AFG2A: variants seen among roughly 807,000 people sequenced by gnomAD.
AFG2A encodes ATPase family gene 2 protein homolog A.
At chr4:122,978,115 A>G in the AFG2A span, among the ~76,000 whole-genome samples, 1 of 151,330 alleles carries the variant, frequency 6.6e-6, no homozygotes, top group African/African-American at 2.4e-5. Flanking sequence ...CATCCCAGCT[A>G]GTGTCCAGTT....
chr4:123,117,709 A>C, the AFG2A span, among the ~76,000 whole-genome samples: 1 of 151,658 alleles, frequency 6.6e-6, no homozygotes, highest in Non-Finnish European at 1.5e-5. Flanking sequence ...GTAAAGGAGG[A>C]GAGGGAGAAA....
the AFG2A span, among the ~76,000 whole-genome samples, chr4:122,963,407 C>T: frequency 4.6e-5 from 7 of 152,264 alleles, no homozygotes; most frequent in East Asian, 1.2e-3. Flanking sequence ...GGTAAGCACT[C>T]AGTGAGGAAA....
At chr4:123,038,609 G>A in the AFG2A span, among the ~76,000 whole-genome samples, 1 of 152,076 alleles carries the variant, frequency 6.6e-6, no homozygotes, top group African/African-American at 2.4e-5. Context: ...CAACATACGA[G>A]TTCAGCTACT....
At chr4:123,167,549 A>G in the AFG2A span, among the ~76,000 whole-genome samples, 58 of 152,094 alleles carry the variant, frequency 3.8e-4, no homozygotes, top group East Asian at 6.2e-3. Context: ...GGGTTTCACC[A>G]TGTTAGCCAG....
At chr4:122,969,676 G>C in the AFG2A span, among the ~76,000 whole-genome samples, 2 of 152,166 alleles carry the variant, frequency 1.3e-5, no homozygotes, top group Non-Finnish European at 2.9e-5. Flanking sequence ...AATTTGGAGA[G>C]ATTTGGGAAG....
At chr4:123,125,260 C>T in the AFG2A span, among the ~76,000 whole-genome samples, 1 of 152,162 alleles carries the variant, frequency 6.6e-6, no homozygotes, top group African/African-American at 2.4e-5. Flanking sequence ...TCAAATTGTT[C>T]TCAAATATTA....
At chr4:123,124,023 C>T in the AFG2A span, among the ~76,000 whole-genome samples, 1 of 148,596 alleles carries the variant, frequency 6.7e-6, no homozygotes, top group Non-Finnish European at 1.5e-5. Flanking sequence ...AATAGGAACA[C>T]TTTTACACTG....
the AFG2A span, among the ~76,000 whole-genome samples, chr4:123,216,626 C>G: frequency 1.3e-5 from 2 of 151,434 alleles, no homozygotes; most frequent in Non-Finnish European, 2.9e-5. Flanking sequence ...AAATTGTTCC[C>G]CAAACTGCTA....
At chr4:123,106,909 C>T in the AFG2A span, among the ~76,000 whole-genome samples, 5 of 152,232 alleles carry the variant, frequency 3.3e-5, no homozygotes, top group South Asian at 1.0e-3. Flanking sequence ...AGCCCAGGTT[C>T]CTGCCACTAT....
the AFG2A span, among the ~76,000 whole-genome samples, chr4:123,263,766 T>C: frequency 1.3e-5 from 2 of 152,190 alleles, no homozygotes; most frequent in Non-Finnish European, 2.9e-5. Context: ...CTGGTGGGAA[T>C]GTAAACTAGT....
At chr4:123,215,568 A>G in the AFG2A span, among the ~76,000 whole-genome samples, 3 of 152,014 alleles carry the variant, frequency 2.0e-5, no homozygotes, top group Admixed American at 2.0e-4. Flanking sequence ...GCAAAAGTGA[A>G]CTCATTTATT....
the AFG2A span, among the ~76,000 whole-genome samples, chr4:123,176,275 G>A: frequency 1.3e-5 from 2 of 152,084 alleles, no homozygotes; most frequent in Non-Finnish European, 1.5e-5. Context: ...GAGTGGCCTC[G>A]TCTAATGTTG....
chr4:122,924,507 C>G, the AFG2A span, among the ~76,000 whole-genome samples: 9 of 152,312 alleles, frequency 5.9e-5, no homozygotes, highest in African/African-American at 2.2e-4. Context: ...TATGTGTTGT[C>G]AAACTTGCCT....
At chr4:123,031,531 A>G in the AFG2A span, among the ~76,000 whole-genome samples, 2 of 152,208 alleles carry the variant, frequency 1.3e-5, no homozygotes, top group Admixed American at 1.3e-4. Context: ...TTCAACCTAT[A>G]TATTTGTTTT....
At chr4:123,289,321 C>G in the AFG2A span, among the ~76,000 whole-genome samples, 2 of 152,156 alleles carry the variant, frequency 1.3e-5, no homozygotes, top group Non-Finnish European at 2.9e-5. Context: ...CCAGTTCCAT[C>G]CAAGTTGCTG....
At chr4:123,094,183 G>A in the AFG2A span, among the ~76,000 whole-genome samples, 1 of 152,118 alleles carries the variant, frequency 6.6e-6, no homozygotes, top group African/African-American at 2.4e-5. Context: ...TAAGTTCTTA[G>A]TAAGACTAAG....
the AFG2A span, among the ~76,000 whole-genome samples, chr4:123,079,745 CTTTTTTTTT>C: frequency 2.8e-5 from 2 of 72,660 alleles, no homozygotes; most frequent in Non-Finnish European, 4.8e-5. Context: ...TCTTTTCCTT[CTTTTTTTTT>C]TTTTTTTTTT....
chr4:123,016,035 G>T, the AFG2A span, among the ~76,000 whole-genome samples: 624 of 15,606 alleles, frequency 0.04, 274 homozygotes, highest in Non-Finnish European at 0.16. Context: ...TGGGCGGGGG[G>T]CTGACCCCCC....
the AFG2A span, among the ~76,000 whole-genome samples, chr4:123,254,428 C>T: frequency 2.0e-5 from 3 of 151,852 alleles, no homozygotes; most frequent in Non-Finnish European, 2.9e-5. Context: ...TTTATTTATC[C>T]GTATCTTTAT....
Sources: allele counts gnomAD v4.1 joint callset (sites outside exome capture counted in the v4.1 genomes callset), GRCh38; gene constraint gnomAD v4.1.1; transcripts MANE v1.5; gene names NCBI Gene and HGNC (gene_info 2026-07-23, HGNC 2026-07-21).